The following CLPTM1L variants were observed in gnomAD, a reference collection of about 807,000 sequenced individuals.
CLPTM1L encodes lipid scramblase CLPTM1L.
CLPTM1L carries 38 observed loss-of-function variants against 70.9 expected under a neutral mutation model. That is an observed-to-expected ratio of 0.54 (90% CI 0.41 to 0.70). The LOEUF is 0.70. Among genes scored for constraint, CLPTM1L ranks in the 30% least tolerant of loss-of-function variants. The pLI is 0.00. For missense variants in CLPTM1L, 652 were observed against 705.9 expected (o/e 0.92, Z 0.87); for synonymous variants, 339 against 299.9 (o/e 1.13, Z -1.35).
rs1009441511 is a variant in CLPTM1L, at chr5:1,318,519, C to G, written c.1533-66G>C. On this transcript the variant is annotated intron_variant, in intron 16 of 16. Transcript: ENST00000320895. This position sits in a 1 kb window ranked among gnomAD's most constrained non-coding sequence, Gnocchi z 8.9. ...AGGGGCTATTTTTCTAAGAGGAGGA[C>G]TTGGCATCCTCGATTTATTTTCCAG... is the stretch of plus-strand genomic sequence containing the variant. 1 of 1,298,834 alleles carries G rather than the reference C, an allele frequency of 7.7e-7. No homozygotes were observed. Among genetic ancestry groups the G allele is most frequent in the South Asian group, 1.2e-5 (1 of 81,624 alleles). 80.5% of individuals were successfully genotyped at this position (1,298,834 alleles called of 1,614,324 possible). A position where few individuals can be genotyped will look rare whatever the true frequency, so the allele number is the denominator to read the frequency against.
chr5:1,318,147 A>C lies in CLPTM1L; in HGVS notation c.*222T>G. 1 of 546,502 alleles carries C rather than the reference A, an allele frequency of 1.8e-6. No individual in the cohort carries two copies. The highest frequency in any genetic ancestry group is 3.2e-6 in the Non-Finnish European group (1 of 310,466). 33.9% of individuals were successfully genotyped at this position (546,502 alleles called of 1,614,324 possible). A position where few individuals can be genotyped will look rare whatever the true frequency, so the allele number is the denominator to read the frequency against. The stretch of plus-strand genomic sequence containing the variant: ...GCCACCACAGCTCAAGGTGACCGGC[A>C]GCACCCAGCTCTGTGACCAAGACAG... On this transcript the variant is annotated 3_prime_UTR_variant, in exon 17 of 17. Coordinates refer to ENST00000320895, the MANE Select transcript of CLPTM1L (RefSeq NM_030782.5). The surrounding 1 kb of genome is among the most constrained non-coding windows in gnomAD (Gnocchi z 8.9).
At chr5:1,340,398 G>A (rs563209368) in intron 3 of CLPTM1L, among the ~76,000 whole-genome samples, 63 of 152,302 alleles carry the variant, frequency 4.1e-4, no homozygotes, top group Middle Eastern at 3.4e-3. Flanking sequence ...ATCTTAGCTC[G>A]GCTCAGATCT....
Position 1,344,351 on chromosome 5 carries a change from C to G in CLPTM1L, c.263G>C (p.Arg88Thr). Residue 88 changes from arginine (R) to threonine (T), a missense_variant and splice_region_variant, in exon 2 of 17, where the codon AGG becomes ACG. Coordinates refer to ENST00000320895, the MANE Select transcript of CLPTM1L (RefSeq NM_030782.5). Reference sequence around the variant, plus strand: ...CTGGCATTTTGTCCTACGCCCATACCTTTCAAATTTGGACTCCACATCAAA... The same window carrying G: ...CTGGCATTTTGTCCTACGCCCATACGTTTCAAATTTGGACTCCACATCAAA... ...EDFDVESKFE[R>T]TVNVSVPKKT... The G allele has an allele frequency of 6.2e-7, 1 of 1,607,594 alleles. No homozygotes were observed. Among genetic ancestry groups the G allele is most frequent in the Non-Finnish European group, 8.5e-7 (1 of 1,174,214 alleles).
intron 16 of CLPTM1L, among the ~76,000 whole-genome samples, chr5:1,319,444 CA>C (rs991886214): frequency 6.6e-6 from 1 of 152,142 alleles, no homozygotes. Context: ...TGCACCCGAA[CA>C]AAGAGTTAAA....
At chr5:1,337,737 C>T in intron 5 of CLPTM1L, among the ~76,000 whole-genome samples, 167 bp downstream of exon 5, 1 of 152,348 alleles carries the variant, frequency 6.6e-6, no homozygotes, top group Non-Finnish European at 1.5e-5. Context: ...CCAGGGCCCC[C>T]CTGTCACAAC....
intron 9 of CLPTM1L, among the ~76,000 whole-genome samples, chr5:1,328,885 C>G (rs1297678358): frequency 6.6e-5 from 9 of 137,070 alleles, no homozygotes; most frequent in African/African-American, 2.3e-4. Flanking sequence ...CAGACACATT[C>G]CATCCAGCTC....
chr5:1,334,480 G>A lies in CLPTM1L; in HGVS notation c.797-97C>T, dbSNP rs1016552787. The A allele has an allele frequency of 2.9e-5, 24 of 835,294 alleles. No homozygotes were observed. The Middle Eastern group carries it at 7.3e-4, about 25-fold the overall frequency. The allele number at this position is 835,294 out of a possible 1,614,324, so 51.7% of individuals were successfully genotyped here. On this transcript the variant is annotated intron_variant, in intron 6 of 16. Coordinates refer to ENST00000320895, the MANE Select transcript of CLPTM1L (RefSeq NM_030782.5). ...TTCAATATAAAAATTTAGGCCGGGCGCAGTGGCTCATGCCTGTAAACCCAG... is the reference window on the plus strand; with the variant it reads ...TTCAATATAAAAATTTAGGCCGGGCACAGTGGCTCATGCCTGTAAACCCAG...
chr5:1,343,051 C>T (rs1442228489), intron 2 of CLPTM1L, among the ~76,000 whole-genome samples: 2 of 152,132 alleles, frequency 1.3e-5, no homozygotes, highest in African/African-American at 2.4e-5. Flanking sequence ...ATTAGCCAGG[C>T]GTGGTGGCGG....
chr5:1,339,006 C>T lies in CLPTM1L; in HGVS notation c.454-1G>A, dbSNP rs1226774406. On this transcript the variant is annotated splice_acceptor_variant, in intron 3 of 16. Coordinates refer to ENST00000320895, the MANE Select transcript of CLPTM1L (RefSeq NM_030782.5). LOFTEE classifies it high-confidence loss of function. Reference sequence around the variant, plus strand: ...TCGGCTTCTTCTCCGCCTCGATCTGCTGTTAAGTGAGGAAAACAGAGGCCA... The same window carrying T: ...TCGGCTTCTTCTCCGCCTCGATCTGTTGTTAAGTGAGGAAAACAGAGGCCA... 6.2e-7 allele frequency: 1 copy of T among 1,611,942 alleles called. No individual in the cohort carries two copies. Among genetic ancestry groups the T allele is most frequent in the South Asian group, 1.1e-5 (1 of 91,050 alleles).
chr5:1,323,093 C>T (rs1752255105), intron 12 of CLPTM1L, among the ~76,000 whole-genome samples, 182 bp from the exon 13 acceptor site: 2 of 152,266 alleles, frequency 1.3e-5, no homozygotes, highest in South Asian at 2.1e-4. Context: ...GCGCTGAGCA[C>T]CCCCGGCCGG....
At chr5:1,341,885 T>C (rs555680990) in intron 2 of CLPTM1L, 25 bp from the exon 3 acceptor site, 175 of 1,567,040 alleles carry the variant, frequency 1.1e-4, no homozygotes, top group Non-Finnish European at 1.4e-4. Context: ...TCATTTCCAC[T>C]ACATACATAT....
chr5:1,336,066 T>G (rs1753558337), intron 5 of CLPTM1L, among the ~76,000 whole-genome samples: 1 of 152,242 alleles, frequency 6.6e-6, no homozygotes, highest in Admixed American at 6.5e-5. Flanking sequence ...AACCAGCAGG[T>G]GCCAGGTTGC....
chr5:1,343,897 ATCTAT>A (rs1239978634), intron 2 of CLPTM1L, among the ~76,000 whole-genome samples: 1 of 152,222 alleles, frequency 6.6e-6, no homozygotes, highest in Non-Finnish European at 1.5e-5. Context: ...TTGGACATTG[ATCTAT>A]TCTAACGTCA....
chr5:1,341,782 C>T lies in CLPTM1L; in HGVS notation c.342G>A (p.Gly114=). The T allele has an allele frequency of 6.2e-7, 1 of 1,613,936 alleles. No homozygotes were observed. Among genetic ancestry groups the T allele is most frequent in the Admixed American group, 1.7e-5 (1 of 60,018 alleles). The stretch of plus-strand genomic sequence containing the variant: ...GCTTCCCGTCGTGCCACGGCAGGAC[C>T]CCAGCGTGATGGAGGAAGATGTAGG... The part of the protein sequence containing the change: ...LYAYIFLHHA[G]VLPWHDGKQV... Residue 114 remains glycine (G), a synonymous_variant, in exon 3 of 17, where the codon GGG becomes GGA. Coordinates refer to ENST00000320895, the MANE Select transcript of CLPTM1L (RefSeq NM_030782.5).
rs750410535 is a variant in CLPTM1L, at chr5:1,341,664, C to T, written c.453+7G>A. On this transcript the variant is annotated splice_region_variant and intron_variant, in intron 3 of 16. Coordinates refer to ENST00000320895, the MANE Select transcript of CLPTM1L (RefSeq NM_030782.5). The stretch of plus-strand genomic sequence containing the variant: ...GCCTGTTATCAGTAACCCATGAAGA[C>T]CCTCACCTGTGTATCAGACTCCCCG... The T allele has an allele frequency of 5.0e-6, 8 of 1,598,688 alleles. No homozygotes were observed. In the Admixed American group the frequency reaches 1.2e-4, roughly 24 times the overall value.
rs1753505145 is a variant in CLPTM1L, at chr5:1,335,349, C to T, written c.679-175G>A. On this transcript the variant is annotated intron_variant, in intron 5 of 16. Coordinates refer to ENST00000320895, the MANE Select transcript of CLPTM1L (RefSeq NM_030782.5). ...CCTTCTGTCACCACAGGCCTCAGGCCCCAGCGTGCTGCGTTCCAGCACAGG... is the reference window on the plus strand; with the variant it reads ...CCTTCTGTCACCACAGGCCTCAGGCTCCAGCGTGCTGCGTTCCAGCACAGG... Among the ~76,000 whole-genome samples, 3 of 152,242 alleles carry T rather than the reference C, an allele frequency of 2.0e-5. 1 individual carries two copies. The highest frequency in any genetic ancestry group is 2.0e-4 in the Admixed American group (3 of 15,288).
At chr5:1,325,186 C>T (rs1468942728) in intron 10 of CLPTM1L, 20 of 316,738 alleles carry the variant, frequency 6.3e-5, no homozygotes, top group Non-Finnish European at 9.4e-5. Flanking sequence ...ACAGTGGCTG[C>T]GCTGCGTGTG....
intron 4 of CLPTM1L, 200 bp from the exon 5 acceptor site, chr5:1,338,182 C>A: frequency 1.7e-6 from 1 of 600,620 alleles, no homozygotes; most frequent in Non-Finnish European, 3.0e-6. Flanking sequence ...TTGTGAGACC[C>A]GCTCCCCAGG....
At chr5:1,319,653 G>C (rs1212743165) in intron 16 of CLPTM1L, among the ~76,000 whole-genome samples, 2 of 152,234 alleles carry the variant, frequency 1.3e-5, no homozygotes, top group Non-Finnish European at 2.9e-5. Flanking sequence ...CCCAGGCCCT[G>C]AGGGAAGGGC....
Sources: gnomAD v4.1 joint callset for allele counts (sites outside exome capture counted in the v4.1 genomes callset) on GRCh38, gnomAD v4.1.1 for gene constraint, Gnocchi (gnomAD v3.1) non-coding constraint, MANE v1.5 for transcripts, NCBI Gene and HGNC (gene_info 2026-07-23, HGNC 2026-07-21) for gene names.